The following ADAMTSL1 variants were observed in gnomAD, a reference collection of about 807,000 sequenced individuals.
The protein encoded by ADAMTSL1 is ADAMTS-like protein 1.
ADAMTSL1 carries 126 observed loss-of-function variants against 201.8 expected under a neutral mutation model. That is an observed-to-expected ratio of 0.62 (90% confidence interval 0.54 to 0.72). The LOEUF is 0.72. Ranked by LOEUF, ADAMTSL1 falls within the 30% of genes least tolerant of loss-of-function variation. The pLI is 0.00. For missense variants in ADAMTSL1, 2,679 were observed against 2,277.8 expected, an observed-to-expected ratio of 1.18 and a Z score of -3.59; for synonymous variants, 1,121 against 903.4, an observed-to-expected ratio of 1.24 and a Z score of -4.32.
At chr9:17,966,183 T>C (rs1817971715) in intron 1 of ADAMTSL1, among the ~76,000 whole-genome samples, 1 of 152,080 alleles carries the variant, frequency 6.6e-6, no homozygotes, top group East Asian at 1.9e-4. Flanking sequence ...AATGAATACC[T>C]GAAGGCACAG....
rs558897379 is a variant in ADAMTSL1, at chr9:18,258,807, C to T, written c.207+94826C>T. On this transcript the variant is annotated intron_variant, in intron 2 of 29. Coordinates refer to the ADAMTSL1 transcript ENST00000680146. Reference sequence around the variant, plus strand: ...CTCATCTTTCTCCTTGTCATAACCACGCATCTTCACTTACTGTCTACACAT... The same window carrying T: ...CTCATCTTTCTCCTTGTCATAACCATGCATCTTCACTTACTGTCTACACAT... 2.6e-4 allele frequency among the ~76,000 whole-genome samples: 40 copies of T among 152,218 alleles called. 1 individual carries two copies. The highest frequency in any genetic ancestry group is 6.7e-4 in the African/African-American group (28 of 41,542).
rs551572193 is a variant in ADAMTSL1 at position 18,758,244 on chromosome 9, A to G, written c.2217+4736A>G. Among the ~76,000 whole-genome samples, 33 of 152,300 alleles carry G rather than the reference A, an allele frequency of 2.2e-4. No individual in the cohort carries two copies. The South Asian group carries it at 3.7e-3, about 17-fold the overall frequency. On this transcript the variant is annotated intron_variant, in intron 16 of 28. Coordinates refer to ENST00000380548, the MANE Select transcript of ADAMTSL1 (RefSeq NM_001040272.6). ...ATGGCTTTCCCAAGACTTCTTTACTATCTGCTCTTAACTGTTAAACTGTGA... is the reference window on the plus strand; with the variant it reads ...ATGGCTTTCCCAAGACTTCTTTACTGTCTGCTCTTAACTGTTAAACTGTGA...
intron 23 of ADAMTSL1, among the ~76,000 whole-genome samples, chr9:18,873,014 C>T (rs1316625953): frequency 6.6e-6 from 1 of 152,174 alleles, no homozygotes; most frequent in Admixed American, 6.5e-5. Flanking sequence ...TACAGCCATT[C>T]TTGCAGGAGT....
chr9:18,082,579 C>G (rs1184962859), intron 1 of ADAMTSL1, among the ~76,000 whole-genome samples: 1 of 152,168 alleles, frequency 6.6e-6, no homozygotes, highest in East Asian at 1.9e-4. Flanking sequence ...CTATGTGAGC[C>G]TCCTTCACTT....
At chr9:18,055,970 A>T (rs1399150715) in intron 1 of ADAMTSL1, among the ~76,000 whole-genome samples, 4 of 152,216 alleles carry the variant, frequency 2.6e-5, no homozygotes, top group Non-Finnish European at 2.9e-5. Flanking sequence ...TACTATTGCA[A>T]CATCCATTTT....
At chr9:18,000,308 TCAGA>T (rs1466508896) in intron 1 of ADAMTSL1, among the ~76,000 whole-genome samples, 1 of 152,092 alleles carries the variant, frequency 6.6e-6, no homozygotes, top group Admixed American at 6.5e-5. Flanking sequence ...CATTAAAAAG[TCAGA>T]CACTTTTTTT....
chr9:18,621,552 T>G (rs1465274624), intron 4 of ADAMTSL1, among the ~76,000 whole-genome samples: 1 of 120,672 alleles, frequency 8.3e-6, no homozygotes, highest in Non-Finnish European at 1.8e-5. Flanking sequence ...GCAACCGTCC[T>G]CTTCCACACA....
intron 7 of ADAMTSL1, among the ~76,000 whole-genome samples, chr9:18,646,485 C>T (rs1827818931): frequency 6.6e-6 from 1 of 151,360 alleles, no homozygotes; most frequent in South Asian, 2.1e-4. Flanking sequence ...AAAGGGAATG[C>T]TCCCAGTTTT....
intron 1 of ADAMTSL1, among the ~76,000 whole-genome samples, chr9:17,949,128 T>C (rs1827629966): frequency 6.6e-6 from 1 of 152,224 alleles, no homozygotes; most frequent in Non-Finnish European, 1.5e-5. Context: ...ATTGCTGATA[T>C]TTTAAAAAAC....
intron 2 of ADAMTSL1, among the ~76,000 whole-genome samples, chr9:18,510,947 T>A (rs1817986541): frequency 6.6e-6 from 1 of 152,168 alleles, no homozygotes; most frequent in Non-Finnish European, 1.5e-5. Context: ...TATTTAATAC[T>A]AAAGATCTAT....
chr9:18,665,398 C>T (rs185516937), intron 9 of ADAMTSL1, among the ~76,000 whole-genome samples: 1 of 152,140 alleles, frequency 6.6e-6, no homozygotes, highest in East Asian at 1.9e-4. Flanking sequence ...CAATATAAAG[C>T]CTCCCAATGA....
At chr9:18,888,731 T>A (rs1423991824) in intron 24 of ADAMTSL1, among the ~76,000 whole-genome samples, 1 of 152,160 alleles carries the variant, frequency 6.6e-6, no homozygotes, top group Non-Finnish European at 1.5e-5. Context: ...GTGTGATGTA[T>A]TCCAAAATGA....
intron 2 of ADAMTSL1, among the ~76,000 whole-genome samples, chr9:18,230,764 T>G (rs565688280): frequency 6.6e-6 from 1 of 152,316 alleles, no homozygotes; most frequent in Non-Finnish European, 1.5e-5. Context: ...AATTACAAAT[T>G]CAAATAAATG....
chr9:17,907,009 G>C (rs879295650), intron 1 of ADAMTSL1: 5 of 152,604 alleles, frequency 3.3e-5, no homozygotes, highest in Non-Finnish European at 7.3e-5. Context: ...AGCGTGGGAG[G>C]TGCTCTCTTC....
Position 18,681,695 on chromosome 9 carries a change from T to TGAGGG in ADAMTSL1, c.1342-116_1342-115insAGGGG, listed in dbSNP as rs201108118. 8.3e-5 allele frequency: 24 copies of TGAGGG among 287,464 alleles called. 1 individual carries two copies. The highest frequency in any genetic ancestry group is 1.2e-4 in the Admixed American group (2 of 16,278). 17.8% of individuals were successfully genotyped at this position (287,464 alleles called of 1,614,324 possible). On this transcript the variant is annotated intron_variant, in intron 11 of 28. Coordinates refer to ENST00000380548, the MANE Select transcript of ADAMTSL1 (RefSeq NM_001040272.6). ...GGTATAAATTTACCAGGAGTCCTCG[T>TGAGGG]GTGGGGGGGGGGGGCGGGGAAAAAG...
At chr9:18,538,878 C>T (rs1386637881) in intron 3 of ADAMTSL1, among the ~76,000 whole-genome samples, 2 of 152,154 alleles carry the variant, frequency 1.3e-5, no homozygotes, top group Admixed American at 6.5e-5. Flanking sequence ...GAAACAATGA[C>T]GCTGCTACAG....
At chr9:18,178,987 A>G (rs1828316859) in intron 2 of ADAMTSL1, among the ~76,000 whole-genome samples, 1 of 152,256 alleles carries the variant, frequency 6.6e-6, no homozygotes, top group African/African-American at 2.4e-5. Context: ...CCTCCAAAGG[A>G]ACGCAGTTCC....
chr9:18,626,865 T>G (rs7021207), intron 5 of ADAMTSL1, among the ~76,000 whole-genome samples: 25,311 of 145,224 alleles, frequency 0.17, 3,066 homozygotes, highest in African/African-American at 0.35. Context: ...CTTTCTTTCT[T>G]TCTGTCTTTC....
intron 6 of ADAMTSL1, among the ~76,000 whole-genome samples, chr9:18,638,157 T>C (rs1295427949): frequency 1.3e-5 from 2 of 152,098 alleles, no homozygotes; most frequent in African/African-American, 4.8e-5. Flanking sequence ...GAAGAAAGTC[T>C]CCACAGACTT....
Sources: gnomAD v4.1 joint callset for allele counts (sites outside exome capture counted in the v4.1 genomes callset) on GRCh38, gnomAD v4.1.1 for gene constraint, MANE v1.5 for transcripts, NCBI Gene and HGNC (gene_info 2026-07-23, HGNC 2026-07-21) for gene names.